Variants in MTOR observed in about 807,000 individuals in gnomAD.
MTOR encodes the protein serine/threonine-protein kinase mTOR.
MTOR carries 70 observed loss-of-function variants against 319.8 expected under a neutral mutation model. That is an observed-to-expected ratio of 0.22 (90% CI 0.18 to 0.27). MTOR has a LOEUF of 0.27. Ranked by LOEUF, MTOR falls within the 10% of genes least tolerant of loss-of-function variation. The probability of loss-of-function intolerance (pLI) is 1.00; values close to 1 mark genes in which losing one functional copy is unlikely to be tolerated. For missense variants in MTOR, 1,890 were observed against 3,274.4 expected (o/e 0.58, Z 10.32); for synonymous variants, 1,183 against 1,211.4 (o/e 0.98, Z 0.49).
chr1:11,240,627 C>T, intron 10 of MTOR, 80 bp from the exon 11 acceptor site: 1 of 1,523,758 alleles, frequency 6.6e-7, no homozygotes, highest in Non-Finnish European at 8.9e-7. Context: ...GCTTTCTCTC[C>T]CAGCAAGGGG....
At chr1:11,170,241 TG>T (rs1644770323) in intron 28 of MTOR, among the ~76,000 whole-genome samples, 1 of 152,244 alleles carries the variant, frequency 6.6e-6, no homozygotes, top group African/African-American at 2.4e-5. Context: ...CCTACTCCAC[TG>T]TAGGTTCATT....
chr1:11,256,040 G>T lies in MTOR; in HGVS notation c.657C>A (p.Leu219=). Reference sequence around the variant, plus strand: ...TCTCCTTCGGCTCACGCTGGGTTGTGAGAATCAGACAGGCACGAAGGGCGG... The same window carrying T: ...TCTCCTTCGGCTCACGCTGGGTTGTTAGAATCAGACAGGCACGAAGGGCGG... The part of the protein sequence containing the change: ...AVAALRACLI[L]TTQREPKEMQ... The change falls in exon 5 of 58, where the codon CTC becomes CTA. Residue 219 remains leucine, a synonymous_variant. Coordinates refer to ENST00000361445, the MANE Select transcript of MTOR (RefSeq NM_004958.4). 6.2e-7 allele frequency: 1 copy of T among 1,614,124 alleles called. No homozygotes were observed.
intron 28 of MTOR, chr1:11,193,574 C>T: frequency 1.9e-6 from 3 of 1,577,562 alleles, no homozygotes; most frequent in Non-Finnish European, 2.6e-6. Flanking sequence ...ATCCCCTCTG[C>T]TTCAGGTGTT....
chr1:11,233,075 C>T, intron 15 of MTOR: 1 of 1,088,216 alleles, frequency 9.2e-7, no homozygotes, highest in Non-Finnish European at 1.4e-6. Flanking sequence ...CCAGGTACAA[C>T]TCCAAAAAAA....
At chr1:11,182,031 G>T (rs1036425966) in intron 28 of MTOR, among the ~76,000 whole-genome samples, 5 of 151,660 alleles carry the variant, frequency 3.3e-5, no homozygotes, top group Admixed American at 2.0e-4. Flanking sequence ...CAGCCTGACC[G>T]ACATGGAGAA....
At chr1:11,161,908 C>A (rs909528390) in intron 29 of MTOR, among the ~76,000 whole-genome samples, 4 of 152,164 alleles carry the variant, frequency 2.6e-5, no homozygotes, top group African/African-American at 9.7e-5. Context: ...CAGCTCTTTG[C>A]CAGCAACGGA....
chr1:11,238,196 A>G, intron 12 of MTOR, 148 bp from the exon 13 acceptor site: 1 of 935,072 alleles, frequency 1.1e-6, no homozygotes, highest in Non-Finnish European at 1.6e-6. Flanking sequence ...CTCTACTCAC[A>G]AGAGTAAAAG....
chr1:11,227,297 CAAAAAAAAAAAA>C (rs59546882), intron 19 of MTOR, among the ~76,000 whole-genome samples: 1 of 74,050 alleles, frequency 1.4e-5, no homozygotes, highest in Non-Finnish European at 2.3e-5. Context: ...GACTTTGTCT[CAAAAAAAAAAAA>C]AAAAAAAAAA....
chr1:11,168,546 C>T (rs1557797460), intron 28 of MTOR, among the ~76,000 whole-genome samples: 1 of 152,236 alleles, frequency 6.6e-6, no homozygotes, highest in Non-Finnish European at 1.5e-5. Context: ...AATTCAGATG[C>T]CTCCCTAGAC....
intron 28 of MTOR, chr1:11,189,947 C>T (rs1645463678): frequency 6.2e-7 from 1 of 1,608,278 alleles, no homozygotes; most frequent in African/African-American, 1.3e-5. Context: ...GTCACTCAGA[C>T]CTCCGCAGGT....
chr1:11,213,673 T>A, intron 20 of MTOR, 107 bp from the exon 21 acceptor site: 2 of 1,058,876 alleles, frequency 1.9e-6, no homozygotes, highest in South Asian at 1.5e-5. Flanking sequence ...GAGCATGGTC[T>A]GCGCCGAGAT....
chr1:11,118,316 A>C (rs1490656265), intron 49 of MTOR, among the ~76,000 whole-genome samples: 18 of 123,208 alleles, frequency 1.5e-4, no homozygotes, highest in African/African-American at 4.8e-4. Context: ...GGCTCACTGT[A>C]ACCTCTGCCT....
At chr1:11,165,633 T>C (rs1644619221) in intron 29 of MTOR, among the ~76,000 whole-genome samples, 1 of 152,112 alleles carries the variant, frequency 6.6e-6, no homozygotes, top group Non-Finnish European at 1.5e-5. Flanking sequence ...TGCTCATGGA[T>C]AGGAAGAATC....
At chr1:11,225,102 A>C (rs1646787091) in intron 19 of MTOR, among the ~76,000 whole-genome samples, 2 of 152,200 alleles carry the variant, frequency 1.3e-5, no homozygotes, top group Non-Finnish European at 2.9e-5. Context: ...GGGTGATTTA[A>C]GTTTTCTAAA....
intron 31 of MTOR, among the ~76,000 whole-genome samples, chr1:11,147,338 A>G (rs991441704): frequency 2.0e-5 from 3 of 152,204 alleles, no homozygotes; most frequent in African/African-American, 4.8e-5. Flanking sequence ...CGACTCCATT[A>G]TAACAAAAAG....
Position 11,128,395 on chromosome 1 carries a change from G to T in MTOR, c.5910+59C>A. The stretch of plus-strand genomic sequence containing the variant: ...CGCTTGTGTCGCCAGGGCAGCTTTT[G>T]GAAAGGCTGACCACCAAACCAGTGG... On this transcript the variant is annotated intron_variant, in intron 42 of 57. Transcript: ENST00000361445. The surrounding 1 kb of genome is among the most constrained non-coding windows in gnomAD (Gnocchi z 5.3). The T allele has an allele frequency of 6.5e-7, 1 of 1,548,834 alleles. No homozygotes were observed. The highest frequency in any genetic ancestry group is 8.9e-7 in the Non-Finnish European group (1 of 1,122,512).
intron 28 of MTOR, among the ~76,000 whole-genome samples, chr1:11,185,679 C>T (rs1183556655): frequency 6.6e-6 from 1 of 152,092 alleles, no homozygotes; most frequent in African/African-American, 2.4e-5. Context: ...GTTCAGGACA[C>T]ATTCTTTGAT....
At chr1:11,122,874 T>G (rs1270794849) in intron 47 of MTOR, among the ~76,000 whole-genome samples, 1 of 152,178 alleles carries the variant, frequency 6.6e-6, no homozygotes, top group Non-Finnish European at 1.5e-5. Flanking sequence ...AGGGATGCTT[T>G]GTGAAGAATA....
At chr1:11,235,320 C>G (rs190442487) in intron 13 of MTOR, among the ~76,000 whole-genome samples, 29 of 152,250 alleles carry the variant, frequency 1.9e-4, no homozygotes, top group Middle Eastern at 6.8e-3. Context: ...ACCAAGACCG[C>G]AAGAAAGGCC....
Sources: allele counts gnomAD v4.1 joint callset (sites outside exome capture counted in the v4.1 genomes callset), GRCh38; gene constraint gnomAD v4.1.1; non-coding constraint Gnocchi (gnomAD v3.1); transcripts MANE v1.5; gene names NCBI Gene and HGNC (gene_info 2026-07-23, HGNC 2026-07-21).